EYS: variants seen among roughly 807,000 people sequenced by gnomAD.
EYS encodes EGF-like photoreceptor maintenance factor.
In EYS, 250 loss-of-function variants were observed where a neutral mutation model predicts 282.1. That is an observed-to-expected ratio of 0.89 (90% CI 0.80 to 0.98). The LOEUF (loss-of-function observed/expected upper bound fraction) is 0.98, where lower values mean the gene tolerates loss of function less well. Among genes scored for constraint, EYS ranks in the 50% least tolerant of loss-of-function variants. The pLI is 0.00. For missense variants in EYS, 4,016 were observed against 3,709.0 expected (o/e 1.08, Z -2.15); for synonymous variants, 1,355 against 1,282.9 (o/e 1.06, Z -1.20).
chr6:64,307,149 G>C (rs1769485190), intron 29 of EYS, 67 bp from the exon 30 acceptor site: 2 of 839,058 alleles, frequency 2.4e-6, no homozygotes, highest in African/African-American at 1.7e-5. Context: ...TATTATTCTT[G>C]CTTCAAACTG....
At chr6:63,972,700 C>A (rs1766642696) in intron 35 of EYS, among the ~76,000 whole-genome samples, 1 of 152,080 alleles carries the variant, frequency 6.6e-6, no homozygotes, top group East Asian at 1.9e-4. Flanking sequence ...AGCCCCCAAC[C>A]CCCTGACAGG....
At chr6:64,755,659 GCATGTT>G (rs1292415366) in intron 22 of EYS, among the ~76,000 whole-genome samples, 7 of 151,956 alleles carry the variant, frequency 4.6e-5, no homozygotes, top group Non-Finnish European at 2.9e-5. Flanking sequence ...GTCAAATACT[GCATGTT>G]CTCACTTGTA....
rs1469355493 is a variant in EYS, at chr6:65,390,873, G to C, written c.1185-6373C>G. 8.6e-5 allele frequency among the ~76,000 whole-genome samples: 13 copies of C among 150,386 alleles called. No homozygotes were observed. In the South Asian group the frequency reaches 2.8e-3, roughly 32 times the overall value. On this transcript the variant is annotated intron_variant, in intron 7 of 42. Transcript: ENST00000503581. ...CATGCCAGCCTGGGTGAAAACATGA[G>C]ACCCCGTCTCTAAAAAATAAAAAAA...
chr6:65,513,353 C>T (rs1766975600), intron 2 of EYS, among the ~76,000 whole-genome samples: 1 of 152,058 alleles, frequency 6.6e-6, no homozygotes, highest in Non-Finnish European at 1.5e-5. Flanking sequence ...CTGAATTCTA[C>T]CAGAGGTACA....
intron 29 of EYS, among the ~76,000 whole-genome samples, chr6:64,339,504 A>G (rs1020879157): frequency 2.0e-5 from 3 of 151,940 alleles, no homozygotes; most frequent in Admixed American, 2.0e-4. Flanking sequence ...TGTGATGATC[A>G]GGGAACACTT....
intron 5 of EYS, among the ~76,000 whole-genome samples, chr6:65,454,777 T>C (rs1242291808): frequency 6.6e-6 from 1 of 152,100 alleles, no homozygotes; most frequent in Non-Finnish European, 1.5e-5. Flanking sequence ...TTCCTCAATG[T>C]GTGTTCTTCT....
chr6:64,841,754 C>A (rs1192097359), intron 19 of EYS, among the ~76,000 whole-genome samples: 1 of 152,108 alleles, frequency 6.6e-6, no homozygotes, highest in African/African-American at 2.4e-5. Flanking sequence ...CAGCTATAGT[C>A]AAAATATGTG....
At chr6:65,122,894 C>T (rs1196378819) in intron 12 of EYS, among the ~76,000 whole-genome samples, 1 of 151,950 alleles carries the variant, frequency 6.6e-6, no homozygotes, top group East Asian at 1.9e-4. Flanking sequence ...CAGTGCCTGG[C>T]ATAGATATAC....
At chr6:65,220,799 G>T (rs112856964) in intron 12 of EYS, among the ~76,000 whole-genome samples, 21 of 152,230 alleles carry the variant, frequency 1.4e-4, no homozygotes, top group South Asian at 6.2e-4. Flanking sequence ...CTTGTGGAAT[G>T]GTTTTGACCA....
chr6:64,867,229 A>ATTTT, intron 19 of EYS, among the ~76,000 whole-genome samples: 1 of 151,108 alleles, frequency 6.6e-6, no homozygotes, highest in South Asian at 2.1e-4. Context: ...GAATTTGTTC[A>ATTTT]TTTGTTTTTA....
chr6:63,779,150 T>A (rs928007816), intron 39 of EYS: 3 of 151,830 alleles, frequency 2.0e-5, no homozygotes, highest in Non-Finnish European at 4.4e-5. Context: ...ATTTTGCCTT[T>A]CTATACATCT....
At chr6:64,928,273 A>T (rs2150085518) in intron 15 of EYS, among the ~76,000 whole-genome samples, 1 of 152,266 alleles carries the variant, frequency 6.6e-6, no homozygotes, top group East Asian at 1.9e-4. Context: ...TTAAGAACTT[A>T]ATATCAAATT....
chr6:65,346,162 C>T (rs1233189141), intron 9 of EYS, among the ~76,000 whole-genome samples: 1 of 151,666 alleles, frequency 6.6e-6, no homozygotes, highest in Non-Finnish European at 1.5e-5. Flanking sequence ...ATCCTGCAAC[C>T]CTGTCATAGA....
At chr6:63,807,879 C>T (rs1423106391) in intron 36 of EYS, among the ~76,000 whole-genome samples, 1 of 152,008 alleles carries the variant, frequency 6.6e-6, no homozygotes, top group African/African-American at 2.4e-5. Flanking sequence ...GGAGTTGAAA[C>T]AGAATAAAAA....
intron 12 of EYS, among the ~76,000 whole-genome samples, chr6:65,091,113 G>C (rs760359379): frequency 1.3e-5 from 2 of 151,660 alleles, no homozygotes; most frequent in Admixed American, 6.6e-5. Context: ...TGGATTAGGA[G>C]AAATTTAATT....
intron 29 of EYS, among the ~76,000 whole-genome samples, chr6:64,325,358 A>C (rs1465904531): frequency 3.3e-5 from 5 of 151,998 alleles, no homozygotes; most frequent in Non-Finnish European, 1.5e-5. Context: ...ATTCATAGGA[A>C]AAGGGGGAGA....
chr6:64,488,588 G>A (rs1351856580), intron 26 of EYS, among the ~76,000 whole-genome samples: 1 of 150,966 alleles, frequency 6.6e-6, no homozygotes. Flanking sequence ...TCAAAACAAA[G>A]TCTGGGAAAA....
intron 8 of EYS, among the ~76,000 whole-genome samples, chr6:65,358,486 C>T (rs968844497): frequency 3.2e-4 from 49 of 151,660 alleles, no homozygotes; most frequent in African/African-American, 1.2e-3. Context: ...TTTTCCTAAG[C>T]GTTGATTATA....
At chr6:64,747,611 C>T (rs926854741) in intron 22 of EYS, among the ~76,000 whole-genome samples, 4 of 152,162 alleles carry the variant, frequency 2.6e-5, no homozygotes, top group Non-Finnish European at 5.9e-5. Flanking sequence ...AACTCCTGAC[C>T]TCAAGATCTG....
Sources: allele counts gnomAD v4.1 joint callset (sites outside exome capture counted in the v4.1 genomes callset), GRCh38; gene constraint gnomAD v4.1.1; transcripts MANE v1.5; gene names NCBI Gene and HGNC (gene_info 2026-07-23, HGNC 2026-07-21).